Variants in RBMS3 observed in about 807,000 individuals in gnomAD.
The protein encoded by RBMS3 is RNA binding motif single stranded interacting protein 3, also known as RNA-binding motif, single-stranded-interacting protein 3.
Under a neutral mutation model 66.8 loss-of-function variants are expected in RBMS3, and 27 were observed. That is an observed-to-expected ratio of 0.40 (90% confidence interval 0.30 to 0.56). RBMS3 has a LOEUF of 0.56. RBMS3 is among the 20% of genes least tolerant of loss of function. The pLI, the probability that RBMS3 is intolerant of heterozygous loss-of-function variation, is 0.40. For synonymous variants in RBMS3, 188 were observed against 183.0 expected, an observed-to-expected ratio of 1.03 and a Z score of -0.22; for missense variants, 513 against 549.5, an observed-to-expected ratio of 0.93 and a Z score of 0.66.
chr3:29,399,902 T>C (rs934982228), intron 1 of RBMS3, among the ~76,000 whole-genome samples: 7 of 152,068 alleles, frequency 4.6e-5, no homozygotes, highest in African/African-American at 1.7e-4. Context: ...GAAAACTACA[T>C]TTTTTTGTTT....
chr3:29,705,794 T>A (rs2052860845), intron 4 of RBMS3, among the ~76,000 whole-genome samples: 1 of 152,126 alleles, frequency 6.6e-6, no homozygotes, highest in Non-Finnish European at 1.5e-5. Flanking sequence ...TTCATGCAAA[T>A]ATTAGGAATT....
chr3:29,547,518 A>G (rs559134906), intron 3 of RBMS3, among the ~76,000 whole-genome samples: 1 of 152,218 alleles, frequency 6.6e-6, no homozygotes, highest in East Asian at 1.9e-4. Flanking sequence ...TCCATTAGGA[A>G]AGACAAGAGG....
At chr3:29,560,085 C>G (rs183778702) in intron 3 of RBMS3, among the ~76,000 whole-genome samples, 1 of 152,078 alleles carries the variant, frequency 6.6e-6, no homozygotes, top group East Asian at 1.9e-4. Flanking sequence ...TAAATTTAAC[C>G]AAGAGTGATA....
Position 29,686,341 on chromosome 3 carries a change from G to T in RBMS3, c.400-53379G>T, listed in dbSNP as rs117819033. The stretch of plus-strand genomic sequence containing the variant: ...GGCTTACTGTGTCTCTGAAGGGCTT[G>T]GTGTATATTCATTGTTTGATAGCAT... On this transcript the variant is annotated intron_variant, in intron 4 of 14. Coordinates refer to ENST00000383767, the MANE Select transcript of RBMS3 (RefSeq NM_001003793.3). Among the ~76,000 whole-genome samples the T allele has an allele frequency of 8.9e-4, 136 of 152,170 alleles. 1 individual carries two copies. The East Asian group carries it at 0.025, about 28-fold the overall frequency.
chr3:29,633,976 T>A (rs1271257411), intron 4 of RBMS3, among the ~76,000 whole-genome samples: 1 of 151,932 alleles, frequency 6.6e-6, no homozygotes, highest in Non-Finnish European at 1.5e-5. Context: ...CAATATCTTA[T>A]AAAGAAATTT....
chr3:29,730,713 T>G (rs2054093411), intron 4 of RBMS3, among the ~76,000 whole-genome samples: 1 of 152,190 alleles, frequency 6.6e-6, no homozygotes, highest in South Asian at 2.1e-4. Context: ...TGAATTAAAC[T>G]CTGAGATTTG....
intron 14 of RBMS3, among the ~76,000 whole-genome samples, chr3:30,000,348 C>T (rs1401960267): frequency 6.6e-6 from 1 of 152,178 alleles, no homozygotes; most frequent in Non-Finnish European, 1.5e-5. Context: ...GATACCATTT[C>T]ATGCCAGTTA....
At chr3:29,711,627 A>T (rs1378594098) in intron 4 of RBMS3, among the ~76,000 whole-genome samples, 1 of 152,166 alleles carries the variant, frequency 6.6e-6, no homozygotes, top group Non-Finnish European at 1.5e-5. Flanking sequence ...CTAACCCAGG[A>T]TCTCAGAATG....
chr3:29,580,517 G>A (rs2047286508), intron 3 of RBMS3, among the ~76,000 whole-genome samples: 1 of 151,834 alleles, frequency 6.6e-6, no homozygotes, highest in Non-Finnish European at 1.5e-5. Context: ...AGATAACTGT[G>A]TCTATATGCC....
At chr3:29,453,898 G>T (rs563008402) in intron 2 of RBMS3, among the ~76,000 whole-genome samples, 60 of 152,270 alleles carry the variant, frequency 3.9e-4, no homozygotes, top group African/African-American at 1.4e-3. Context: ...AAGACTGAGG[G>T]ACCTGGTGAG....
chr3:29,310,021 G>T (rs1023762116), intron 1 of RBMS3, among the ~76,000 whole-genome samples: 2 of 151,664 alleles, frequency 1.3e-5, no homozygotes, highest in African/African-American at 4.8e-5. Flanking sequence ...CTGAGTCGAA[G>T]GAGGAGGTGG....
At chr3:29,949,685 G>T (rs1241752519) in intron 12 of RBMS3, among the ~76,000 whole-genome samples, 1 of 151,600 alleles carries the variant, frequency 6.6e-6, no homozygotes, top group Non-Finnish European at 1.5e-5. Flanking sequence ...GTGTTTTAGT[G>T]TGTACAGAAT....
At chr3:29,692,496 A>C (rs1048978205) in intron 4 of RBMS3, among the ~76,000 whole-genome samples, 8 of 152,174 alleles carry the variant, frequency 5.3e-5, no homozygotes, top group African/African-American at 1.9e-4. Context: ...GCTCACATTA[A>C]AAACGGAACA....
At chr3:29,851,945 G>A (rs1418651676) in intron 6 of RBMS3, among the ~76,000 whole-genome samples, 1 of 152,186 alleles carries the variant, frequency 6.6e-6, no homozygotes, top group African/African-American at 2.4e-5. Flanking sequence ...CATAGCTACA[G>A]TAACCAAAAC....
chr3:29,923,162 A>C (rs2060838808), intron 10 of RBMS3, among the ~76,000 whole-genome samples: 1 of 152,196 alleles, frequency 6.6e-6, no homozygotes, highest in Non-Finnish European at 1.5e-5. Flanking sequence ...CTCCGCCCTG[A>C]ACATGTTTTC....
At chr3:29,960,407 A>AG (rs914731134) in intron 12 of RBMS3, among the ~76,000 whole-genome samples, 45 of 152,306 alleles carry the variant, frequency 3.0e-4, no homozygotes, top group Admixed American at 1.2e-3. Context: ...TTGCTTTCAC[A>AG]GGCTGGAATT....
chr3:29,480,097 A>G (rs1381733651), intron 2 of RBMS3, among the ~76,000 whole-genome samples: 1 of 152,238 alleles, frequency 6.6e-6, no homozygotes, highest in East Asian at 1.9e-4. Context: ...CTAACTGGAG[A>G]TTCAGGACTG....
chr3:29,997,914 G>A (rs1322592241), intron 14 of RBMS3, among the ~76,000 whole-genome samples: 1 of 152,150 alleles, frequency 6.6e-6, no homozygotes, highest in Non-Finnish European at 1.5e-5. Context: ...GGAAGTTCTG[G>A]CCAGGGCAAT....
chr3:29,714,290 A>T (rs1295782452), intron 4 of RBMS3, among the ~76,000 whole-genome samples: 2 of 150,818 alleles, frequency 1.3e-5, no homozygotes, highest in African/African-American at 4.9e-5. Flanking sequence ...TTATTTCACA[A>T]TTTATTTGAA....
Sources: allele counts gnomAD v4.1 joint callset (sites outside exome capture counted in the v4.1 genomes callset), GRCh38; gene constraint gnomAD v4.1.1; transcripts MANE v1.5; gene names NCBI Gene and HGNC (gene_info 2026-07-23, HGNC 2026-07-21).